The following EBF1 variants were observed in gnomAD, a reference collection of about 807,000 sequenced individuals.
EBF1 encodes EBF transcription factor 1.
EBF1 carries 10 observed loss-of-function variants against 68.4 expected under a neutral mutation model. That is an observed-to-expected ratio of 0.15 (90% CI 0.09 to 0.25). The LOEUF (loss-of-function observed/expected upper bound fraction) is 0.25. Among genes scored for constraint, EBF1 ranks in the 10% least tolerant of loss-of-function variants. The pLI is 1.00. For synonymous variants in EBF1, 298 were observed against 299.8 expected (o/e 0.99, Z 0.06); for missense variants, 509 against 794.4 (o/e 0.64, Z 4.32).
chr5:158,986,514 C>T, intron 6 of EBF1: 1 of 152,130 alleles, frequency 6.6e-6, no homozygotes, highest in East Asian at 1.9e-4. Flanking sequence ...GCATGTGAGC[C>T]CATAATTATA....
At chr5:159,061,029 C>A (rs1300067853) in intron 6 of EBF1, among the ~76,000 whole-genome samples, 4 of 151,870 alleles carry the variant, frequency 2.6e-5, no homozygotes, top group Non-Finnish European at 4.4e-5. Flanking sequence ...ATTGTAATCA[C>A]TGTAGGAAGA....
intron 6 of EBF1, among the ~76,000 whole-genome samples, chr5:158,853,947 T>G (rs1793478462): frequency 6.6e-6 from 1 of 152,116 alleles, no homozygotes. Flanking sequence ...TACTGGGAAT[T>G]ATCAGAACTC....
intron 6 of EBF1, among the ~76,000 whole-genome samples, chr5:158,900,818 TA>T (rs1428717236): frequency 6.6e-6 from 1 of 152,196 alleles, no homozygotes; most frequent in African/African-American, 2.4e-5. Flanking sequence ...AAGAGGAAAG[TA>T]AAGTGGAAAT....
intron 7 of EBF1, among the ~76,000 whole-genome samples, chr5:158,832,985 TG>T (rs1436062526): frequency 6.6e-6 from 1 of 152,074 alleles, no homozygotes; most frequent in Non-Finnish European, 1.5e-5. Flanking sequence ...GAGGTAAACA[TG>T]AGTTTTGTGT....
intron 10 of EBF1, among the ~76,000 whole-genome samples, chr5:158,762,946 T>C (rs539961547): frequency 1.5e-4 from 23 of 152,266 alleles, no homozygotes; most frequent in Admixed American, 4.6e-4. Flanking sequence ...TGTTAGCCAG[T>C]CAACGTTCCT....
intron 6 of EBF1, among the ~76,000 whole-genome samples, chr5:158,907,236 G>A (rs1458681439): frequency 6.6e-6 from 1 of 152,196 alleles, no homozygotes; most frequent in African/African-American, 2.4e-5. Flanking sequence ...AGGTGACAAG[G>A]AGGGAAGTAT....
intron 2 of EBF1, 30 bp downstream of exon 2, chr5:159,096,944 A>C (rs770694972): frequency 5.6e-5 from 90 of 1,609,942 alleles, no homozygotes; most frequent in Non-Finnish European, 7.6e-5. Context: ...CGAGCCGGGG[A>C]CGAGGGGCGA....
At chr5:158,807,394 C>T (rs768419178) in intron 8 of EBF1, among the ~76,000 whole-genome samples, 2 of 152,214 alleles carry the variant, frequency 1.3e-5, no homozygotes, top group Non-Finnish European at 1.5e-5. Flanking sequence ...TTTCCCTACC[C>T]GTTGCCATTT....
At chr5:159,099,017 C>T (rs1205454502) in intron 1 of EBF1, among the ~76,000 whole-genome samples, 1 of 152,146 alleles carries the variant, frequency 6.6e-6, no homozygotes, top group Non-Finnish European at 1.5e-5. Context: ...AGAGCAATCA[C>T]ATAAAAACAT....
At position 159,097,144 on chromosome 5, in the gene EBF1, C is replaced by T; in HGVS notation, c.135-14G>A. 2.5e-6 allele frequency: 4 copies of T among 1,612,178 alleles called. No individual in the cohort carries two copies. The highest frequency in any genetic ancestry group is 1.3e-5 in the African/African-American group (1 of 75,032). ...AGACCCACCCCGCTGCGGCCAAAGA[C>T]GCAGAGTTAGATGGCTAAACCGGAC... On this transcript the variant is annotated splice_polypyrimidine_tract_variant and intron_variant, in intron 1 of 15. Transcript: ENST00000313708.
At chr5:158,858,430 G>A (rs1022431039) in intron 6 of EBF1, among the ~76,000 whole-genome samples, 2 of 152,140 alleles carry the variant, frequency 1.3e-5, no homozygotes, top group Admixed American at 6.6e-5. Flanking sequence ...GGATAACAAT[G>A]TCATCATTAG....
At chr5:158,706,223 A>AGAT (rs1459154963) in intron 15 of EBF1, among the ~76,000 whole-genome samples, 7 of 151,688 alleles carry the variant, frequency 4.6e-5, no homozygotes, top group Non-Finnish European at 1.0e-4. Flanking sequence ...TCCTCTAAGA[A>AGAT]GATGGATTTG....
chr5:159,027,734 A>G (rs1052157831), intron 6 of EBF1, among the ~76,000 whole-genome samples: 54 of 152,196 alleles, frequency 3.5e-4, no homozygotes, highest in African/African-American at 1.1e-3. Context: ...CACTTACTGG[A>G]TTGAAACAAG....
intron 8 of EBF1, among the ~76,000 whole-genome samples, chr5:158,799,987 C>T (rs796166614): frequency 4.6e-5 from 7 of 152,224 alleles, no homozygotes; most frequent in African/African-American, 1.7e-4. Flanking sequence ...ACACAACTGC[C>T]AGGCTAAAAG....
Position 158,815,965 on chromosome 5 carries a change from G to C in EBF1, c.778+7211C>G, listed in dbSNP as rs115855109. ...TTTATGACACAGCTGGATATTCTTA[G>C]CCCTAATGTTTTGCTCTTACACCTG... is the stretch of plus-strand genomic sequence containing the variant. On this transcript the variant is annotated intron_variant, in intron 8 of 15. Transcript: ENST00000313708. Among the ~76,000 whole-genome samples, 800 of 152,308 alleles carry C rather than the reference G, an allele frequency of 5.3e-3. 10 individuals carry two copies. Among genetic ancestry groups the C allele is most frequent in the African/African-American group, 0.018 (768 of 41,554 alleles).
chr5:158,727,507 C>T (rs1763240718), intron 11 of EBF1, among the ~76,000 whole-genome samples: 1 of 152,166 alleles, frequency 6.6e-6, no homozygotes, highest in Admixed American at 6.5e-5. Flanking sequence ...GTCACATGTT[C>T]CTCCCCTTCC....
intron 10 of EBF1, among the ~76,000 whole-genome samples, chr5:158,769,133 A>G (rs1561871494): frequency 6.6e-6 from 1 of 152,196 alleles, no homozygotes; most frequent in Admixed American, 6.5e-5. Context: ...CTCATGCCTT[A>G]GATTGGACCA....
At chr5:158,821,920 A>G (rs1004857793) in intron 8 of EBF1, among the ~76,000 whole-genome samples, 9 of 152,234 alleles carry the variant, frequency 5.9e-5, no homozygotes, top group African/African-American at 2.2e-4. Flanking sequence ...TTCTAAGAGC[A>G]TTACATCTGG....
rs185072204 is a variant in EBF1, at chr5:158,800,405, G to C, written c.779-3930C>G. On this transcript the variant is annotated intron_variant, in intron 8 of 15. Transcript: ENST00000313708. ...GTCCTTATAAAAAGAACTAGACTGG[G>C]GTTGACAGAAAAGGAGGACTATTAA... 2.4e-3 allele frequency among the ~76,000 whole-genome samples: 360 copies of C among 152,138 alleles called. 2 individuals are homozygous for C. The highest frequency in any genetic ancestry group is 7.7e-3 in the African/African-American group (318 of 41,498).
Sources: allele counts gnomAD v4.1 joint callset (sites outside exome capture counted in the v4.1 genomes callset), GRCh38; gene constraint gnomAD v4.1.1; transcripts MANE v1.5; gene names NCBI Gene and HGNC (gene_info 2026-07-23, HGNC 2026-07-21).